Variants in TASP1 observed in about 807,000 individuals in gnomAD.
TASP1 encodes taspase 1, also known as threonine aspartase 1.
Under a neutral mutation model 56.6 loss-of-function variants are expected in TASP1, and 16 were observed. That is an observed-to-expected ratio of 0.28 (90% CI 0.19 to 0.43). TASP1 has a LOEUF of 0.43. Ranked by LOEUF, TASP1 falls within the 20% of genes least tolerant of loss-of-function variation. TASP1 has a pLI of 1.00. For missense variants in TASP1, 393 were observed against 511.6 expected (o/e 0.77, Z 2.24); for synonymous variants, 179 against 184.2 (o/e 0.97, Z 0.23).
chr20:13,550,908 A>T (rs972541308), intron 8 of TASP1, among the ~76,000 whole-genome samples: 1 of 152,114 alleles, frequency 6.6e-6, no homozygotes, highest in Non-Finnish European at 1.5e-5. Flanking sequence ...ATTTTCTTTG[A>T]TCTTAGCCTA....
At chr20:13,578,086 T>C (rs2046990003) in intron 6 of TASP1, among the ~76,000 whole-genome samples, 3 of 152,176 alleles carry the variant, frequency 2.0e-5, no homozygotes, top group Admixed American at 6.5e-5. Context: ...AAAATGTCTC[T>C]CAACTGGCTG....
the TASP1 span, among the ~76,000 whole-genome samples, chr20:13,192,931 G>C: frequency 6.6e-6 from 1 of 152,108 alleles, no homozygotes; most frequent in Admixed American, 6.6e-5. Context: ...TAAGATAAAT[G>C]ACAGCAATGT....
chr20:13,233,925 T>C, the TASP1 span, among the ~76,000 whole-genome samples: 5,408 of 152,232 alleles, frequency 0.036, 273 homozygotes, highest in African/African-American at 0.11. Flanking sequence ...AAATAAGAGT[T>C]TTAAGCCATG....
chr20:13,576,351 A>AAG (rs1275744748), intron 6 of TASP1, among the ~76,000 whole-genome samples: 1 of 96,506 alleles, frequency 1.0e-5, no homozygotes, highest in Non-Finnish European at 2.2e-5. Context: ...GGAAGAAAGA[A>AAG]AGAAAGAAAG....
the TASP1 span, among the ~76,000 whole-genome samples, chr20:13,138,503 A>G: frequency 1.3e-5 from 2 of 152,120 alleles, no homozygotes; most frequent in Non-Finnish European, 2.9e-5. Flanking sequence ...AGCCCTCCAA[A>G]TAGGTAGTGA....
At chr20:13,170,417 C>A in the TASP1 span, among the ~76,000 whole-genome samples, 1 of 152,114 alleles carries the variant, frequency 6.6e-6, no homozygotes, top group East Asian at 1.9e-4. Context: ...GATTCCCATG[C>A]CAATCTGGGT....
chr20:13,152,644 C>T, the TASP1 span, among the ~76,000 whole-genome samples: 1 of 152,082 alleles, frequency 6.6e-6, no homozygotes, highest in Non-Finnish European at 1.5e-5. Context: ...TCAAATAGTC[C>T]CTAGTTGTGC....
chr20:13,311,544 T>C, the TASP1 span, among the ~76,000 whole-genome samples: 4 of 152,228 alleles, frequency 2.6e-5, no homozygotes, highest in Admixed American at 6.5e-5. Flanking sequence ...TAAGTGTTCA[T>C]ATACAGATAA....
At chr20:13,287,407 C>T in the TASP1 span, among the ~76,000 whole-genome samples, 14 of 152,284 alleles carry the variant, frequency 9.2e-5, no homozygotes, top group African/African-American at 3.4e-4. Context: ...GCTGGCCCCA[C>T]TCTTGACACA....
At chr20:13,133,534 G>C in the TASP1 span, among the ~76,000 whole-genome samples, 18 of 152,270 alleles carry the variant, frequency 1.2e-4, no homozygotes, top group South Asian at 3.3e-3. Flanking sequence ...AGGAGTTCGA[G>C]ACCAACCTGG....
the TASP1 span, among the ~76,000 whole-genome samples, chr20:13,225,881 G>A: frequency 6.6e-6 from 1 of 152,008 alleles, no homozygotes; most frequent in Non-Finnish European, 1.5e-5. Context: ...CATAGATATG[G>A]ATATAGATAT....
At chr20:13,174,452 C>A in the TASP1 span, among the ~76,000 whole-genome samples, 1 of 152,140 alleles carries the variant, frequency 6.6e-6, no homozygotes, top group Non-Finnish European at 1.5e-5. Flanking sequence ...AATTCCAGCA[C>A]TTTGGGAGGC....
chr20:13,423,876 T>C (rs1235273579), intron 12 of TASP1, among the ~76,000 whole-genome samples: 2 of 152,240 alleles, frequency 1.3e-5, no homozygotes, highest in Non-Finnish European at 2.9e-5. Flanking sequence ...GATTTTAGCA[T>C]ATATTTTAAT....
intron 8 of TASP1, 26 bp from the exon 9 acceptor site, chr20:13,534,167 T>C (rs1404396937): frequency 6.2e-7 from 1 of 1,612,450 alleles, no homozygotes; most frequent in East Asian, 2.2e-5. Context: ...GGCACAAGTA[T>C]TCACTAGGCA....
chr20:13,222,277 A>G, the TASP1 span, among the ~76,000 whole-genome samples: 1 of 152,156 alleles, frequency 6.6e-6, no homozygotes. Context: ...TCGGAGGCTG[A>G]GTAATGTTAC....
the TASP1 span, among the ~76,000 whole-genome samples, chr20:13,347,604 C>T: frequency 9.9e-5 from 15 of 152,236 alleles, no homozygotes; most frequent in East Asian, 1.7e-3. Context: ...TTCGGGAGGC[C>T]GAGGCAGGTG....
chr20:13,521,688 G>A (rs1038598779), intron 10 of TASP1, among the ~76,000 whole-genome samples: 19 of 151,544 alleles, frequency 1.3e-4, no homozygotes, highest in Non-Finnish European at 2.4e-4. Context: ...GTTAAATGAC[G>A]AGTTAATGGG....
At chr20:13,287,606 A>T in the TASP1 span, among the ~76,000 whole-genome samples, 1 of 152,048 alleles carries the variant, frequency 6.6e-6, no homozygotes, top group African/African-American at 2.4e-5. Flanking sequence ...GTGTTTATTG[A>T]TGATTGTTTC....
chr20:13,275,266 C>T, the TASP1 span, among the ~76,000 whole-genome samples: 7 of 152,292 alleles, frequency 4.6e-5, no homozygotes, highest in East Asian at 1.9e-4. Flanking sequence ...GGCCACAGGC[C>T]TCTTGAGCGC....
Sources: allele counts gnomAD v4.1 joint callset (sites outside exome capture counted in the v4.1 genomes callset), GRCh38; gene constraint gnomAD v4.1.1; transcripts MANE v1.5; gene names NCBI Gene and HGNC (gene_info 2026-07-23, HGNC 2026-07-21).